The following SLC30A9 variants were observed in gnomAD, a reference collection of about 807,000 sequenced individuals.
The protein encoded by SLC30A9 is proton-coupled zinc antiporter SLC30A9, mitochondrial.
In SLC30A9, 58 loss-of-function variants were observed where a neutral mutation model predicts 87.5. That is an observed-to-expected ratio of 0.66 (90% CI 0.54 to 0.82). The LOEUF is 0.82. Among genes scored for constraint, SLC30A9 ranks in the 40% least tolerant of loss-of-function variants. The pLI is 0.00. For synonymous variants in SLC30A9, 234 were observed against 233.0 expected (o/e 1.00, Z -0.04); for missense variants, 557 against 679.1 (o/e 0.82, Z 2.00).
chr4:42,051,770 A>T (rs73810502), intron 9 of SLC30A9, among the ~76,000 whole-genome samples: 145 of 152,284 alleles, frequency 9.5e-4, no homozygotes, highest in African/African-American at 2.5e-3. Context: ...TATCAAGAGT[A>T]TTCTGTCAAG....
At chr4:42,049,342 A>G (rs1717294629) in intron 8 of SLC30A9, 35 bp from the exon 9 acceptor site, 2 of 1,436,106 alleles carry the variant, frequency 1.4e-6, no homozygotes, top group Non-Finnish European at 1.9e-6. Context: ...TTTTTGTCCA[A>G]ACCTATGCTA....
At chr4:42,085,172 A>C (rs1419003565) in intron 17 of SLC30A9, among the ~76,000 whole-genome samples, 1 of 151,934 alleles carries the variant, frequency 6.6e-6, no homozygotes, top group African/African-American at 2.4e-5. Flanking sequence ...CTGTCTAGAC[A>C]CTCTTCATTA....
chr4:42,062,198 A>G (rs1717885213), intron 10 of SLC30A9, among the ~76,000 whole-genome samples: 1 of 152,134 alleles, frequency 6.6e-6, no homozygotes, highest in South Asian at 2.1e-4. Flanking sequence ...GTCTCAAAAA[A>G]AAAAAAAAAG....
At chr4:42,004,318 C>T (rs1256900631) in intron 2 of SLC30A9, among the ~76,000 whole-genome samples, 2 of 152,078 alleles carry the variant, frequency 1.3e-5, no homozygotes, top group Non-Finnish European at 1.5e-5. Context: ...ATTTATTCTA[C>T]TTGAGATTTG....
At chr4:42,072,940 A>C (rs538193733) in intron 15 of SLC30A9, among the ~76,000 whole-genome samples, 1 of 151,714 alleles carries the variant, frequency 6.6e-6, no homozygotes, top group South Asian at 2.1e-4. Context: ...TACCCTCCCA[A>C]GTAGCTGGGA....
intron 9 of SLC30A9, among the ~76,000 whole-genome samples, chr4:42,056,995 A>G (rs999577848): frequency 2.0e-5 from 3 of 152,180 alleles, no homozygotes; most frequent in Admixed American, 1.3e-4. Flanking sequence ...CTTTCGCTCC[A>G]TGTCTCACCT....
At chr4:42,060,343 T>G in intron 10 of SLC30A9, 97 bp downstream of exon 10, 1 of 928,684 alleles carries the variant, frequency 1.1e-6, no homozygotes, top group South Asian at 1.3e-5. Context: ...GTACCTGCAG[T>G]TTGTTCAAGA....
intron 1 of SLC30A9, among the ~76,000 whole-genome samples, chr4:41,999,447 C>A (rs769666724): frequency 6.6e-6 from 1 of 152,078 alleles, no homozygotes; most frequent in Non-Finnish European, 1.5e-5. Flanking sequence ...ATAAATCAAC[C>A]AGTTACTGTG....
chr4:42,001,834 A>T, intron 2 of SLC30A9, 54 bp downstream of exon 2: 1 of 1,283,308 alleles, frequency 7.8e-7, no homozygotes, highest in Non-Finnish European at 1.1e-6. Context: ...TAGTTTGTGT[A>T]AAATTATTTG....
At chr4:42,043,895 A>G (rs1460308221) in intron 8 of SLC30A9, among the ~76,000 whole-genome samples, 3 of 152,234 alleles carry the variant, frequency 2.0e-5, no homozygotes, top group Non-Finnish European at 4.4e-5. Context: ...ACAAGCCAGA[A>G]GAGAGTGGGG....
Position 42,024,102 on chromosome 4 carries a change from C to G in SLC30A9, c.610+718C>G, listed in dbSNP as rs114761140. Among the ~76,000 whole-genome samples, 960 of 152,310 alleles carry G rather than the reference C, an allele frequency of 6.3e-3. 4 individuals carry two copies. Among genetic ancestry groups the G allele is most frequent in the African/African-American group, 0.012 (517 of 41,562 alleles). ...ACTTTTTTACAGAAGGGTCTATTAA[C>G]TCAGCTACATTAATTAATTCAGCAG... On this transcript the variant is annotated intron_variant, in intron 6 of 17. Coordinates refer to ENST00000264451, the MANE Select transcript of SLC30A9 (RefSeq NM_006345.4).
chr4:42,066,697 G>A, intron 13 of SLC30A9, 76 bp downstream of exon 13: 1 of 918,066 alleles, frequency 1.1e-6, no homozygotes, highest in East Asian at 2.5e-5. Context: ...TTATTGCTTT[G>A]TTCCTAATAG....
At chr4:42,040,024 A>C (rs548229466) in intron 8 of SLC30A9, among the ~76,000 whole-genome samples, 1 of 152,258 alleles carries the variant, frequency 6.6e-6, no homozygotes, top group Admixed American at 6.5e-5. Context: ...TAATGCTGTC[A>C]TAACTACAAT....
rs538011202 is a variant in SLC30A9, at chr4:42,003,108, T to C, written c.274+1328T>C. On this transcript the variant is annotated intron_variant, in intron 2 of 17. Coordinates refer to ENST00000264451, the MANE Select transcript of SLC30A9 (RefSeq NM_006345.4). ...TTGTGATTCTTCTATGACTTTTTAG[T>C]TGTTAAAGCATCATTGTAAATTTAC... 2.6e-5 allele frequency among the ~76,000 whole-genome samples: 4 copies of C among 152,296 alleles called. No homozygotes were observed. The South Asian group carries it at 8.3e-4, about 32-fold the overall frequency.
At chr4:42,018,400 A>T in intron 3 of SLC30A9, 1 of 1,304,828 alleles carries the variant, frequency 7.7e-7, no homozygotes, top group Non-Finnish European at 1.0e-6. Context: ...CCAAGAAAGG[A>T]ATAATGGCAA....
chr4:42,035,245 T>G lies in SLC30A9; in HGVS notation c.611-30T>G, dbSNP rs769542940. 11 of 1,572,488 alleles carry G rather than the reference T, an allele frequency of 7.0e-6. No individual in the cohort carries two copies. In the African/African-American group the frequency reaches 1.5e-4, roughly 21 times the overall value. ...AAACTGTGACTGGTAAGAATATCTA[T>G]GACCTAAATTTATTTTGTTATTCTT... On this transcript the variant is annotated intron_variant, in intron 6 of 17. Coordinates refer to ENST00000264451, the MANE Select transcript of SLC30A9 (RefSeq NM_006345.4).
In SLC30A9 at chr4:42,083,433, A is replaced by G. The variant is rs76320051; in HGVS notation, c.1663-2649A>G. 3.3e-3 allele frequency among the ~76,000 whole-genome samples: 497 copies of G among 152,326 alleles called. 2 individuals are homozygous for G. Among genetic ancestry groups the G allele is most frequent in the African/African-American group, 0.011 (474 of 41,588 alleles). ...TTCTGTTCAATAAATATTAGTTTCT[A>G]CTATACACATGATATCTTGTTAAGC... is the stretch of plus-strand genomic sequence containing the variant. On this transcript the variant is annotated intron_variant, in intron 17 of 17. Transcript: ENST00000264451.
intron 8 of SLC30A9, among the ~76,000 whole-genome samples, chr4:42,048,092 G>GCATT (rs1354941660): frequency 2.6e-5 from 4 of 152,104 alleles, no homozygotes; most frequent in African/African-American, 9.7e-5. Context: ...TGGGTGGCTA[G>GCATT]GGGAGGGATA....
chr4:42,042,757 T>C (rs1716975586), intron 8 of SLC30A9, among the ~76,000 whole-genome samples: 1 of 152,200 alleles, frequency 6.6e-6, no homozygotes, highest in Non-Finnish European at 1.5e-5. Flanking sequence ...AAGTGGGTCC[T>C]TGACCCCCAT....
Sources: gnomAD v4.1 joint callset for allele counts (sites outside exome capture counted in the v4.1 genomes callset) on GRCh38, gnomAD v4.1.1 for gene constraint, MANE v1.5 for transcripts, NCBI Gene and HGNC (gene_info 2026-07-23, HGNC 2026-07-21) for gene names.